SRGAP3: variants seen among roughly 807,000 people sequenced by gnomAD.
SRGAP3 encodes the protein SLIT-ROBO Rho GTPase-activating protein 3.
In SRGAP3, 39 loss-of-function variants were observed where a neutral mutation model predicts 121.1. That is an observed-to-expected ratio of 0.32 (90% CI 0.25 to 0.42). The LOEUF is 0.42. Ranked by LOEUF, SRGAP3 falls within the 10% of genes least tolerant of loss-of-function variation. The pLI, the probability that SRGAP3 is intolerant of heterozygous loss-of-function variation, is 1.00. For synonymous variants in SRGAP3, 601 were observed against 570.0 expected, an observed-to-expected ratio of 1.05 and a Z score of -0.77; for missense variants, 1,213 against 1,470.6, an observed-to-expected ratio of 0.82 and a Z score of 2.86.
intron 3 of SRGAP3, among the ~76,000 whole-genome samples, chr3:9,266,320 A>C (rs1280625912): frequency 6.6e-6 from 1 of 152,092 alleles, no homozygotes; most frequent in African/African-American, 2.4e-5. Flanking sequence ...ATGTGTACCT[A>C]CATAACAAAC....
chr3:9,269,204 TCTC>T (rs1245589382), intron 3 of SRGAP3, among the ~76,000 whole-genome samples: 1 of 152,186 alleles, frequency 6.6e-6, no homozygotes, highest in African/African-American at 2.4e-5. Flanking sequence ...TAAAGTCCCT[TCTC>T]CTCTTTCAGC....
At chr3:9,259,013 C>T (rs767051126) in intron 3 of SRGAP3, among the ~76,000 whole-genome samples, 10 of 152,334 alleles carry the variant, frequency 6.6e-5, no homozygotes, top group South Asian at 2.1e-4. Context: ...GCATCCGCCT[C>T]GCTCCTAAGC....
chr3:9,247,551 C>T (rs1953867755), intron 1 of SRGAP3, among the ~76,000 whole-genome samples: 1 of 152,172 alleles, frequency 6.6e-6, no homozygotes, highest in South Asian at 2.1e-4. Flanking sequence ...ATGGCAGCTG[C>T]GGTGCCCAGC....
intron 18 of SRGAP3, among the ~76,000 whole-genome samples, chr3:8,999,581 T>C (rs1029739585): frequency 2.0e-5 from 3 of 152,124 alleles, no homozygotes; most frequent in Admixed American, 6.6e-5. Context: ...AGAACACTAA[T>C]CTCATGCAAC....
At chr3:8,990,869 G>A (rs1318916476) in intron 20 of SRGAP3, 30 bp from the exon 21 acceptor site, 1 of 1,477,808 alleles carries the variant, frequency 6.8e-7, no homozygotes, top group Non-Finnish European at 8.9e-7. Flanking sequence ...CGAGGGGCAT[G>A]GGGCAGAGGT....
intron 3 of SRGAP3, among the ~76,000 whole-genome samples, chr3:9,313,176 C>T (rs1955279145): frequency 1.3e-5 from 2 of 152,244 alleles, no homozygotes; most frequent in Non-Finnish European, 1.5e-5. Flanking sequence ...ACTAAGCCCC[C>T]GCCTAAGAGC....
chr3:9,128,286 T>C (rs1025071137), intron 1 of SRGAP3, among the ~76,000 whole-genome samples: 2 of 152,242 alleles, frequency 1.3e-5, no homozygotes, highest in East Asian at 3.8e-4. Context: ...AATTGTGTAT[T>C]ACTGATCACT....
chr3:9,003,287 C>T (rs181423403), intron 18 of SRGAP3, among the ~76,000 whole-genome samples: 1 of 152,062 alleles, frequency 6.6e-6, no homozygotes, highest in African/African-American at 2.4e-5. Flanking sequence ...TGAGATCAGC[C>T]TGCAATATGG....
intron 3 of SRGAP3, among the ~76,000 whole-genome samples, chr3:9,260,939 T>C (rs1296789912): frequency 6.6e-6 from 1 of 152,126 alleles, no homozygotes; most frequent in African/African-American, 2.4e-5. Flanking sequence ...ACAGACACCT[T>C]ATACAGGAGT....
intron 3 of SRGAP3, among the ~76,000 whole-genome samples, chr3:9,296,626 T>A (rs1182139582): frequency 1.3e-5 from 2 of 152,228 alleles, no homozygotes; most frequent in Non-Finnish European, 2.9e-5. Flanking sequence ...ATTGCCTGAA[T>A]GCTCAGCTTG....
chr3:9,339,430 G>A (rs993497077), intron 1 of SRGAP3, among the ~76,000 whole-genome samples: 1 of 152,142 alleles, frequency 6.6e-6, no homozygotes, highest in Non-Finnish European at 1.5e-5. Flanking sequence ...GCATAAAAGG[G>A]ACTCAATAAA....
intron 3 of SRGAP3, chr3:9,292,967 A>G (rs1954893380): frequency 6.6e-6 from 1 of 151,986 alleles, no homozygotes; most frequent in African/African-American, 2.4e-5. Context: ...TCTTCTTTGT[A>G]AACTGTACAG....
At chr3:9,080,476 G>C (rs1490253944) in intron 3 of SRGAP3, among the ~76,000 whole-genome samples, 1 of 152,234 alleles carries the variant, frequency 6.6e-6, no homozygotes, top group Non-Finnish European at 1.5e-5. Flanking sequence ...AATGGCTACA[G>C]AGTGGGGTTC....
intron 18 of SRGAP3, among the ~76,000 whole-genome samples, chr3:9,004,250 A>T (rs773063670): frequency 3.3e-5 from 5 of 152,190 alleles, no homozygotes; most frequent in Non-Finnish European, 5.9e-5. Flanking sequence ...GGCAACTACA[A>T]ATCATTGTTG....
At chr3:9,128,945 G>T (rs1348500061) in intron 1 of SRGAP3, among the ~76,000 whole-genome samples, 1 of 152,204 alleles carries the variant, frequency 6.6e-6, no homozygotes, top group Admixed American at 6.5e-5. Context: ...CTGAATACTG[G>T]AGATGTTCCA....
At chr3:9,018,196 AT>A (rs1307449617) in intron 14 of SRGAP3, among the ~76,000 whole-genome samples, 1 of 152,136 alleles carries the variant, frequency 6.6e-6, no homozygotes, top group Non-Finnish European at 1.5e-5. Context: ...ATTCTTCTTT[AT>A]GGCTGGATAG....
Position 9,239,262 on chromosome 3 carries a change from C to T in SRGAP3, c.67+9623G>A, listed in dbSNP as rs1481122104. Among the ~76,000 whole-genome samples the T allele has an allele frequency of 6.6e-6, 1 of 152,088 alleles. No individual in the cohort carries two copies. The highest frequency in any genetic ancestry group is 1.9e-4 in the East Asian group (1 of 5,188). Reference sequence around the variant, plus strand: ...GGACGTAGTGGCTGGCACCTGTAATCCCAGCTACTTGGGAGGCTGAGGCAG... The same window carrying T: ...GGACGTAGTGGCTGGCACCTGTAATTCCAGCTACTTGGGAGGCTGAGGCAG... On this transcript the variant is annotated intron_variant, in intron 1 of 21. Transcript: ENST00000383836. The surrounding 1 kb of genome is among the most constrained non-coding windows in gnomAD (Gnocchi z 4.0).
intron 1 of SRGAP3, among the ~76,000 whole-genome samples, chr3:9,149,150 G>A (rs965105545): frequency 4.7e-5 from 7 of 150,394 alleles, no homozygotes; most frequent in African/African-American, 1.7e-4. Context: ...GGAGGCGGAG[G>A]TTGCAGTGAG....
intron 1 of SRGAP3, among the ~76,000 whole-genome samples, chr3:9,126,398 G>A (rs562976578): frequency 5.9e-5 from 9 of 152,294 alleles, no homozygotes; most frequent in East Asian, 1.9e-4. Context: ...TTGGGAGGCC[G>A]AGGCGGGTGG....
Sources: gnomAD v4.1 joint callset for allele counts (sites outside exome capture counted in the v4.1 genomes callset) on GRCh38, gnomAD v4.1.1 for gene constraint, Gnocchi (gnomAD v3.1) non-coding constraint, MANE v1.5 for transcripts, NCBI Gene and HGNC (gene_info 2026-07-23, HGNC 2026-07-21) for gene names.